Variants in CFAP221 observed in about 807,000 individuals in gnomAD.
CFAP221 encodes cilia- and flagella-associated protein 221.
In CFAP221, 97 loss-of-function variants were observed where a neutral mutation model predicts 113.1. The ratio of observed to expected loss-of-function variants is 0.86; its 90% CI spans 0.73 to 1.02. The LOEUF (loss-of-function observed/expected upper bound fraction) is 1.02, where lower values mean the gene tolerates loss of function less well. CFAP221 is among the 50% of genes least tolerant of loss of function. The pLI, the probability that CFAP221 is intolerant of heterozygous loss-of-function variation, is 0.00. For missense variants in CFAP221, 1,025 were observed against 1,013.4 expected, an observed-to-expected ratio of 1.01 and a Z score of -0.16; for synonymous variants, 331 against 354.4, an observed-to-expected ratio of 0.93 and a Z score of 0.74.
chr2:119,621,950 C>A (rs982515984), intron 14 of CFAP221, among the ~76,000 whole-genome samples: 2 of 151,896 alleles, frequency 1.3e-5, no homozygotes, highest in African/African-American at 4.8e-5. Flanking sequence ...GAACTAAAAT[C>A]GACACCCTAA....
chr2:119,605,203 T>C lies in CFAP221; in HGVS notation c.1047T>C (p.Ile349=). The change falls in exon 11 of 24, where the codon ATT becomes ATC. Residue 349 remains isoleucine, a synonymous_variant. Transcript: ENST00000413369. Reference sequence around the variant, plus strand: ...CAGTTTTGGACCAGGGCACTGAAATTTCAAAAACGAGACAGATGAAGGAGG... The same window carrying C: ...CAGTTTTGGACCAGGGCACTGAAATCTCAAAAACGAGACAGATGAAGGAGG... ...LREVLDQGTE[I]SKTRQMKEAL... 3.1e-6 allele frequency: 5 copies of C among 1,614,158 alleles called. No homozygotes were observed. Among genetic ancestry groups the C allele is most frequent in the Non-Finnish European group, 4.2e-6 (5 of 1,180,002 alleles).
At chr2:119,572,759 G>A (rs903577106) in intron 6 of CFAP221, 22 of 546,086 alleles carry the variant, frequency 4.0e-5, no homozygotes, top group Non-Finnish European at 6.6e-5. Context: ...TGAAGATCTG[G>A]TAAAATGATG....
chr2:119,616,060 T>A (rs1685505727), intron 14 of CFAP221, among the ~76,000 whole-genome samples: 1 of 152,208 alleles, frequency 6.6e-6, no homozygotes. Flanking sequence ...ATATGCAGCC[T>A]TTTAAAAAAT....
chr2:119,554,192 T>C (rs1455461783), intron 3 of CFAP221, among the ~76,000 whole-genome samples: 4 of 152,242 alleles, frequency 2.6e-5, no homozygotes, highest in Admixed American at 6.5e-5. Context: ...CAGCAAACTA[T>C]GCAAATTGCC....
chr2:119,638,114 T>G, intron 19 of CFAP221, 145 bp from the exon 20 acceptor site: 1 of 736,144 alleles, frequency 1.4e-6, no homozygotes, highest in Non-Finnish European at 2.1e-6. Flanking sequence ...TCTGCTCTCC[T>G]GCTTCTCTTT....
chr2:119,605,080 G>T, intron 10 of CFAP221, 93 bp downstream of exon 10: 1 of 1,467,268 alleles, frequency 6.8e-7, no homozygotes, highest in Non-Finnish European at 9.5e-7. Flanking sequence ...ACAAAATTCA[G>T]TTAGATTGCT....
At chr2:119,623,115 C>A (rs1305125478) in intron 14 of CFAP221, among the ~76,000 whole-genome samples, 2 of 152,166 alleles carry the variant, frequency 1.3e-5, no homozygotes, top group East Asian at 3.9e-4. Context: ...ATTTAGAAAA[C>A]CCCATTGTCT....
At chr2:119,607,291 C>T (rs1684842152) in intron 11 of CFAP221, among the ~76,000 whole-genome samples, 1 of 152,118 alleles carries the variant, frequency 6.6e-6, no homozygotes, top group South Asian at 2.1e-4. Context: ...CACACCCGGC[C>T]CATACCTGGT....
chr2:119,578,260 G>A (rs969094771), intron 6 of CFAP221, among the ~76,000 whole-genome samples: 4 of 152,206 alleles, frequency 2.6e-5, no homozygotes. Context: ...AGTAGTCCTA[G>A]AGCCCAGAAT....
chr2:119,559,673 T>A lies in CFAP221; in HGVS notation c.241-16T>A. On this transcript the variant is annotated splice_polypyrimidine_tract_variant and intron_variant, in intron 3 of 23. Coordinates refer to ENST00000413369, the MANE Select transcript of CFAP221 (RefSeq NM_001271049.2). The stretch of plus-strand genomic sequence containing the variant: ...AAGCCGTGTATTTCCTCTAAATACT[T>A]CTTTTTCTCTCCCAGCATCTGGTCA... The A allele has an allele frequency of 6.6e-7, 1 of 1,506,382 alleles. No individual in the cohort carries two copies. Among genetic ancestry groups the A allele is most frequent in the Non-Finnish European group, 8.9e-7 (1 of 1,119,880 alleles). 93.3% of individuals were successfully genotyped at this position (1,506,382 alleles called of 1,614,324 possible). A position where few individuals can be genotyped will look rare whatever the true frequency, so the allele number is the denominator to read the frequency against.
At chr2:119,609,042 G>A (rs1373646334) in intron 12 of CFAP221, among the ~76,000 whole-genome samples, 3 of 152,276 alleles carry the variant, frequency 2.0e-5, no homozygotes, top group Non-Finnish European at 4.4e-5. Flanking sequence ...ACCCTCAAAG[G>A]GGCTGAGCAG....
chr2:119,623,705 A>G (rs1176131673), intron 14 of CFAP221, among the ~76,000 whole-genome samples: 1 of 152,250 alleles, frequency 6.6e-6, no homozygotes, highest in Non-Finnish European at 1.5e-5. Flanking sequence ...AGCCTCAGAA[A>G]TTATGCCACA....
chr2:119,650,092 A>AT (rs1025235391), intron 22 of CFAP221, among the ~76,000 whole-genome samples: 1 of 152,270 alleles, frequency 6.6e-6, no homozygotes, highest in African/African-American at 2.4e-5. Context: ...TTTATTACAC[A>AT]TGAGACTACA....
intron 2 of CFAP221, 55 bp from the exon 3 acceptor site, chr2:119,549,030 A>G: frequency 8.3e-7 from 1 of 1,206,882 alleles, no homozygotes; most frequent in Non-Finnish European, 1.1e-6. Flanking sequence ...GATCAACTTT[A>G]ATTTAATATT....
intron 14 of CFAP221, among the ~76,000 whole-genome samples, chr2:119,616,828 T>C (rs376977599): frequency 6.6e-6 from 1 of 152,258 alleles, no homozygotes; most frequent in South Asian, 2.1e-4. Flanking sequence ...CCTTGTGCAC[T>C]TTAGTATTTA....
intron 2 of CFAP221, among the ~76,000 whole-genome samples, chr2:119,547,455 A>G (rs1017139676): frequency 3.9e-5 from 6 of 152,120 alleles, no homozygotes; most frequent in African/African-American, 1.4e-4. Context: ...GCTACTTGGG[A>G]GGCTGAGGCA....
intron 21 of CFAP221, among the ~76,000 whole-genome samples, chr2:119,645,069 C>T (rs1027674250): frequency 6.5e-5 from 8 of 123,892 alleles, no homozygotes; most frequent in Non-Finnish European, 1.1e-4. Flanking sequence ...TGGGTAATTT[C>T]TTTTTCTTTT....
At chr2:119,589,049 T>C (rs1574071342) in intron 7 of CFAP221, among the ~76,000 whole-genome samples, 1 of 152,166 alleles carries the variant, frequency 6.6e-6, no homozygotes, top group East Asian at 1.9e-4. Flanking sequence ...GCTCTTGGAC[T>C]TTGGGACCCG....
intron 15 of CFAP221, 81 bp from the exon 16 acceptor site, chr2:119,627,572 G>A: frequency 2.9e-6 from 4 of 1,395,304 alleles, no homozygotes; most frequent in Non-Finnish European, 3.9e-6. Flanking sequence ...TTGGTATATG[G>A]AAAATATGCA....
Sources: gnomAD v4.1 joint callset for allele counts (sites outside exome capture counted in the v4.1 genomes callset) on GRCh38, gnomAD v4.1.1 for gene constraint, MANE v1.5 for transcripts, NCBI Gene and HGNC (gene_info 2026-07-23, HGNC 2026-07-21) for gene names.